The following ADAMTS17 variants were observed in gnomAD, a reference collection of about 807,000 sequenced individuals.
ADAMTS17 encodes the protein A disintegrin and metalloproteinase with thrombospondin motifs 17.
In ADAMTS17, 113 loss-of-function variants were observed where a neutral mutation model predicts 141.5. The ratio of observed to expected loss-of-function variants is 0.80; its 90% CI spans 0.69 to 0.93. The LOEUF (loss-of-function observed/expected upper bound fraction) is 0.93. Among genes scored for constraint, ADAMTS17 ranks in the 40% least tolerant of loss-of-function variants. The pLI, the probability that ADAMTS17 is intolerant of heterozygous loss-of-function variation, is 0.00. For synonymous variants in ADAMTS17, 768 were observed against 630.6 expected (o/e 1.22, Z -3.27); for missense variants, 1,659 against 1,517.9 (o/e 1.09, Z -1.54).
At chr15:100,276,755 T>C (rs1029572739) in intron 4 of ADAMTS17, among the ~76,000 whole-genome samples, 31 of 152,132 alleles carry the variant, frequency 2.0e-4, no homozygotes, top group African/African-American at 7.2e-4. Context: ...GGGGCTTGTC[T>C]AATGACAGCC....
At chr15:100,057,623 G>C (rs1032912673) in intron 15 of ADAMTS17, among the ~76,000 whole-genome samples, 2 of 152,154 alleles carry the variant, frequency 1.3e-5, no homozygotes, top group East Asian at 1.9e-4. Context: ...GGTACCCAGG[G>C]TTTCTCCTGG....
chr15:100,162,348 C>A (rs947181864), intron 8 of ADAMTS17, among the ~76,000 whole-genome samples: 6 of 147,682 alleles, frequency 4.1e-5, no homozygotes, highest in African/African-American at 7.4e-5. Context: ...GTCCTATATA[C>A]CTATATATAA....
rs531623019 is a variant in ADAMTS17 at position 100,138,613 on chromosome 15, T to C, written c.1474-5298A>G. The stretch of plus-strand genomic sequence containing the variant: ...TGCAGAGGAAAGGCGGTGGGGAATA[T>C]AAAAGATGGGTTAAGAGATCCGAAG... On this transcript the variant is annotated intron_variant, in intron 10 of 21. Coordinates refer to ENST00000268070, the MANE Select transcript of ADAMTS17 (RefSeq NM_139057.4). Among the ~76,000 whole-genome samples the C allele has an allele frequency of 2.5e-3, 379 of 152,156 alleles. 3 individuals carry two copies. Among genetic ancestry groups the C allele is most frequent in the Non-Finnish European group, 4.1e-3 (277 of 67,990 alleles).
At chr15:100,011,485 G>T (rs1185820298) in intron 18 of ADAMTS17, among the ~76,000 whole-genome samples, 1 of 151,866 alleles carries the variant, frequency 6.6e-6, no homozygotes, top group African/African-American at 2.4e-5. Context: ...CAGGCAGGAA[G>T]ATTTTCAACA....
At position 100,325,169 on chromosome 15, in the gene ADAMTS17, T is replaced by G. The variant is rs188961220; in HGVS notation, c.616+5720A>C. Among the ~76,000 whole-genome samples, 47 of 152,220 alleles carry G rather than the reference T, an allele frequency of 3.1e-4. No individual in the cohort carries two copies. The East Asian group carries it at 8.9e-3, about 29-fold the overall frequency. On this transcript the variant is annotated intron_variant, in intron 3 of 21. Transcript: ENST00000268070. ...GGTTCTCAGTGTTCCTCCGCAATTA[T>G]CCTACAACAGACATCACCACCCCAT... is the stretch of plus-strand genomic sequence containing the variant.
chr15:100,330,932 AG>A lies in ADAMTS17; in HGVS notation c.572del (p.Ser191LeufsTer14). The A allele has an allele frequency of 6.2e-7, 1 of 1,614,162 alleles. No individual in the cohort carries two copies. The highest frequency in any genetic ancestry group is 8.5e-7 in the Non-Finnish European group (1 of 1,180,018). On this transcript the variant is annotated frameshift_variant, in exon 3 of 22. Transcript: ENST00000268070. LOFTEE classifies it high-confidence loss of function. ...GCTGCTCAGGTCTCTGGGCCTCAGCAGAAGGGCTGGGGGTCAAGGACCATTT... is the reference window on the plus strand; with the variant it reads ...GCTGCTCAGGTCTCTGGGCCTCAGCAAAGGGCTGGGGGTCAAGGACCATTT... ...RRKWSLTPSPSAEAQRPEQLC... is the reference protein window; with the variant it reads ...RRKWSLTPSPXAEAQRPEQLC...
chr15:100,203,034 G>A (rs753130856), intron 7 of ADAMTS17, among the ~76,000 whole-genome samples: 6 of 152,184 alleles, frequency 3.9e-5, no homozygotes, highest in African/African-American at 9.7e-5. Context: ...GTAACAAAAC[G>A]GAGGCAGAAA....
chr15:100,270,554 C>T (rs761871236), intron 4 of ADAMTS17, among the ~76,000 whole-genome samples: 8 of 151,828 alleles, frequency 5.3e-5, no homozygotes, highest in South Asian at 4.2e-4. Context: ...CTGAATCCTT[C>T]GCAAAGGATG....
chr15:100,229,734 G>C lies in ADAMTS17; in HGVS notation c.1075+24402C>G, dbSNP rs142142561. Among the ~76,000 whole-genome samples the C allele has an allele frequency of 2.9e-3, 448 of 152,304 alleles. 1 individual carries two copies. Among genetic ancestry groups the C allele is most frequent in the Non-Finnish European group, 4.7e-3 (322 of 68,026 alleles). On this transcript the variant is annotated intron_variant, in intron 7 of 21. Coordinates refer to ENST00000268070, the MANE Select transcript of ADAMTS17 (RefSeq NM_139057.4). Reference sequence around the variant, plus strand: ...ACAAAACACCCACAGAGCCTCAGGAGAACTAACTGCAAAGTTCCCTCTCCC... The same window carrying C: ...ACAAAACACCCACAGAGCCTCAGGACAACTAACTGCAAAGTTCCCTCTCCC...
intron 3 of ADAMTS17, chr15:100,306,376 G>C: frequency 2.4e-6 from 1 of 415,248 alleles, no homozygotes; most frequent in Non-Finnish European, 4.8e-6. Flanking sequence ...TCTTGCATTG[G>C]GAGCCCTGGT....
chr15:100,066,118 T>C (rs2033505825), intron 15 of ADAMTS17, among the ~76,000 whole-genome samples: 2 of 152,220 alleles, frequency 1.3e-5, no homozygotes, highest in South Asian at 4.1e-4. Context: ...CTTTATCCAG[T>C]CTATCATTGA....
intron 8 of ADAMTS17, among the ~76,000 whole-genome samples, chr15:100,195,804 A>T (rs2041095349): frequency 6.6e-6 from 1 of 151,656 alleles, no homozygotes; most frequent in South Asian, 2.1e-4. Context: ...TTGGTTTTTG[A>T]CTCTACAAGT....
intron 7 of ADAMTS17, among the ~76,000 whole-genome samples, chr15:100,224,495 G>C (rs1463488285): frequency 1.3e-5 from 2 of 152,094 alleles, no homozygotes; most frequent in Non-Finnish European, 2.9e-5. Flanking sequence ...GTCATCACAA[G>C]ATTTCAAAGA....
intron 20 of ADAMTS17, chr15:99,976,496 G>A: frequency 3.4e-6 from 2 of 588,206 alleles, no homozygotes; most frequent in Non-Finnish European, 6.1e-6. Flanking sequence ...CAATCATTCA[G>A]GGCAAAAACA....
chr15:100,199,973 A>G (rs899446868), intron 7 of ADAMTS17, among the ~76,000 whole-genome samples: 11 of 152,356 alleles, frequency 7.2e-5, no homozygotes, highest in Non-Finnish European at 1.6e-4. Flanking sequence ...GGTCTCGTGG[A>G]CAGCACGCCC....
At position 100,001,022 on chromosome 15, in the gene ADAMTS17, TG is replaced by T. The variant is rs1268122380; in HGVS notation, c.2592-3434del. 4.6e-5 allele frequency among the ~76,000 whole-genome samples: 7 copies of T among 151,942 alleles called. No individual in the cohort carries two copies. The East Asian group carries it at 1.3e-3, about 29-fold the overall frequency. On this transcript the variant is annotated intron_variant, in intron 18 of 21. Transcript: ENST00000268070. ...TCCAGGACATAGACCTTATGCCTGC[TG>T]GGGGCTATGGTCAAGAAAATAGAGG...
At chr15:100,109,364 A>C (rs534028983) in intron 13 of ADAMTS17, among the ~76,000 whole-genome samples, 1 of 152,198 alleles carries the variant, frequency 6.6e-6, no homozygotes, top group South Asian at 2.1e-4. Flanking sequence ...TGATACAGGA[A>C]GTTTCCTTTT....
chr15:100,205,609 C>T (rs1018359095), intron 7 of ADAMTS17, among the ~76,000 whole-genome samples: 1 of 152,120 alleles, frequency 6.6e-6, no homozygotes, highest in African/African-American at 2.4e-5. Context: ...CTGAAACAGG[C>T]CCTGATGCCC....
At chr15:100,081,025 A>G (rs1276415182) in intron 15 of ADAMTS17, among the ~76,000 whole-genome samples, 1 of 152,206 alleles carries the variant, frequency 6.6e-6, no homozygotes, top group African/African-American at 2.4e-5. Context: ...CAAAGTATTG[A>G]TCCTGGATGT....
Sources: allele counts gnomAD v4.1 joint callset (sites outside exome capture counted in the v4.1 genomes callset), GRCh38; gene constraint gnomAD v4.1.1; transcripts MANE v1.5; gene names NCBI Gene and HGNC (gene_info 2026-07-23, HGNC 2026-07-21).